The following C6orf163 variants were observed in gnomAD, a reference collection of about 807,000 sequenced individuals.
C6orf163 encodes the protein chromosome 6 open reading frame 163, also known as uncharacterized protein C6orf163.
Under a neutral mutation model 28.4 loss-of-function variants are expected in C6orf163, and 22 were observed. That is an observed-to-expected ratio of 0.78 (90% confidence interval 0.55 to 1.11). C6orf163 has a LOEUF of 1.11. C6orf163 is among the 50% of genes least tolerant of loss of function. The pLI is 0.00. For synonymous variants in C6orf163, 110 were observed against 123.6 expected (o/e 0.89, Z 0.73); for missense variants, 342 against 389.1 (o/e 0.88, Z 1.02).
chr6:87,356,642 A>G, intron 4 of C6orf163, 139 bp downstream of exon 4: 2 of 729,258 alleles, frequency 2.7e-6, no homozygotes, highest in Admixed American at 5.8e-5. Flanking sequence ...AATACCAAAC[A>G]TAGGGAACAA....
intron 3 of C6orf163, among the ~76,000 whole-genome samples, chr6:87,352,858 A>G (rs936464070): frequency 1.3e-5 from 2 of 152,152 alleles, no homozygotes; most frequent in Non-Finnish European, 2.9e-5. Flanking sequence ...CCTCAGAGCA[A>G]TATCTCCTGA....
chr6:87,361,523 T>C (rs1333498552), intron 4 of C6orf163, among the ~76,000 whole-genome samples: 1 of 152,162 alleles, frequency 6.6e-6, no homozygotes, highest in Non-Finnish European at 1.5e-5. Context: ...CAGCCCCACC[T>C]GGCAGGAAAC....
At chr6:87,353,720 TTAAA>T (rs1450410930) in intron 3 of C6orf163, among the ~76,000 whole-genome samples, 2 of 152,078 alleles carry the variant, frequency 1.3e-5, no homozygotes, top group Non-Finnish European at 2.9e-5. Context: ...CCCTAAGGAG[TTAAA>T]TAAAGGCCTC....
intron 4 of C6orf163, among the ~76,000 whole-genome samples, chr6:87,363,543 G>A (rs1390253360): frequency 1.3e-5 from 2 of 150,524 alleles, no homozygotes; most frequent in Non-Finnish European, 3.0e-5. Context: ...TCCCCTTCCT[G>A]TGTCCATGTG....
At chr6:87,353,582 GA>G (rs1001261350) in intron 3 of C6orf163, among the ~76,000 whole-genome samples, 3 of 151,562 alleles carry the variant, frequency 2.0e-5, no homozygotes, top group Admixed American at 1.3e-4. Flanking sequence ...ATTTCATTCT[GA>G]AAAAAAATAT....
chr6:87,350,918 CCTGA>C (rs1777402864), intron 3 of C6orf163, among the ~76,000 whole-genome samples: 1 of 152,200 alleles, frequency 6.6e-6, no homozygotes, highest in Non-Finnish European at 1.5e-5. Context: ...AGCACAATTC[CCTGA>C]CTTAGTAGGT....
chr6:87,347,645 CAT>C, intron 1 of C6orf163: 1 of 985,164 alleles, frequency 1.0e-6, no homozygotes, highest in Non-Finnish European at 1.2e-6. Context: ...GTGACAGAAA[CAT>C]AACTCAGAAT....
chr6:87,348,048 C>T (rs1024139119), intron 1 of C6orf163: 13 of 494,486 alleles, frequency 2.6e-5, no homozygotes, highest in South Asian at 1.7e-4. Context: ...TCCAGCTACT[C>T]GGGAGGCTGA....
Position 87,348,899 on chromosome 6 carries a change from G to A in C6orf163, c.236G>A (p.Trp79Ter), listed in dbSNP as rs1367165405. The A allele has an allele frequency of 6.5e-7, 1 of 1,536,938 alleles. No individual in the cohort carries two copies. The highest frequency in any genetic ancestry group is 2.4e-5 in the East Asian group (1 of 40,924). ...ATTGCGAAAGCAGAAGCTGAAGTAT[G>A]GGCTCAGGTAAAAGAAGTTACATGT... ...EHIAKAEAEV[W>*]AQANERQKQA... The change falls in exon 2 of 5, where the codon TGG (tryptophan) becomes TAG (stop). Residue 79 changes from tryptophan to a stop codon, truncating the protein, a stop_gained. Coordinates refer to ENST00000388923, the MANE Select transcript of C6orf163 (RefSeq NM_001010868.3). LOFTEE classifies it high-confidence loss of function.
At chr6:87,348,566 T>A in intron 1 of C6orf163, 1 of 1,244,548 alleles carries the variant, frequency 8.0e-7, no homozygotes, top group Non-Finnish European at 1.0e-6. Context: ...TCCCCAGTTG[T>A]CTGCTGTGTG....
At chr6:87,356,671 TGTGTG>T (rs1777507296) in intron 4 of C6orf163, among the ~76,000 whole-genome samples, 168 bp downstream of exon 4, 1 of 152,216 alleles carries the variant, frequency 6.6e-6, no homozygotes, top group Non-Finnish European at 1.5e-5. Context: ...GTAGAGTATG[TGTGTG>T]GTTTAAAGAA....
Position 87,365,383 on chromosome 6 carries a change from CAACTCTTGATTAGAAG to C in C6orf163, c.978_*3del, listed in dbSNP as rs778856529. ...AATCTTGTTATTAAGGAGAACAAAA[CAACTCTTGATTAGAAG>C]TCTTCAGTTGAAATTCCACTACAAA... On this transcript the variant is annotated stop_lost and 3_prime_UTR_variant, in exon 5 of 5. Transcript: ENST00000388923. 1 of 1,527,770 alleles carries C rather than the reference CAACTCTTGATTAGAAG, an allele frequency of 6.5e-7. No individual in the cohort carries two copies. 94.6% of individuals were successfully genotyped at this position (1,527,770 alleles called of 1,614,324 possible).
intron 4 of C6orf163, 35 bp from the exon 5 acceptor site, chr6:87,364,926 C>G (rs1050074140): frequency 6.9e-7 from 1 of 1,447,460 alleles, no homozygotes; most frequent in Non-Finnish European, 9.3e-7. Context: ...AGTGGCCAAT[C>G]CATCTAAATT....
intron 2 of C6orf163, among the ~76,000 whole-genome samples, chr6:87,349,391 TC>T (rs1777377461): frequency 6.6e-6 from 1 of 152,154 alleles, no homozygotes; most frequent in South Asian, 2.1e-4. Flanking sequence ...TATGGCCTAC[TC>T]CCCTTTTCCT....
At chr6:87,351,931 T>A (rs1458740502) in intron 3 of C6orf163, among the ~76,000 whole-genome samples, 1 of 152,180 alleles carries the variant, frequency 6.6e-6, no homozygotes, top group Admixed American at 6.5e-5. Context: ...TTCCTGGCAT[T>A]AGGTTGTAAA....
intron 1 of C6orf163, 72 bp from the exon 2 acceptor site, chr6:87,348,740 T>C: frequency 6.6e-7 from 1 of 1,514,514 alleles, no homozygotes; most frequent in Non-Finnish European, 8.8e-7. Context: ...CATAAATAAC[T>C]AGATAATGGT....
In C6orf163 at chr6:87,348,909, A is replaced by G; in HGVS notation, c.243+3A>G. On this transcript the variant is annotated splice_donor_region_variant and intron_variant, in intron 2 of 4. Transcript: ENST00000388923. ...CAGAAGCTGAAGTATGGGCTCAGGT[A>G]AAAGAAGTTACATGTCAACCTAAAG... is the stretch of plus-strand genomic sequence containing the variant. 1.3e-6 allele frequency: 2 copies of G among 1,536,448 alleles called. No individual in the cohort carries two copies. Among genetic ancestry groups the G allele is most frequent in the Non-Finnish European group, 1.7e-6 (2 of 1,146,740 alleles).
chr6:87,349,870 G>A lies in C6orf163; in HGVS notation c.244-524G>A, dbSNP rs9362423. 1.2e-3 allele frequency among the ~76,000 whole-genome samples: 181 copies of A among 152,268 alleles called. 4 individuals are homozygous for A. In the East Asian group the frequency reaches 0.03, roughly 25 times the overall value. Reference sequence around the variant, plus strand: ...TATACACCCTAATACAAGGTGATGCGTTTGTAAATAGTCTACAATTTGAAT... The same window carrying A: ...TATACACCCTAATACAAGGTGATGCATTTGTAAATAGTCTACAATTTGAAT... On this transcript the variant is annotated intron_variant, in intron 2 of 4. Coordinates refer to ENST00000388923, the MANE Select transcript of C6orf163 (RefSeq NM_001010868.3).
At position 87,350,428 on chromosome 6, in the gene C6orf163, CACTTGAAGA is replaced by C. The variant is rs1777394238; in HGVS notation, c.280_288del (p.Leu94_Glu96del). 1 of 1,535,112 alleles carries C rather than the reference CACTTGAAGA, an allele frequency of 6.5e-7. No homozygotes were observed. The highest frequency in any genetic ancestry group is 2.4e-5 in the East Asian group (1 of 40,848). ...CGTCAAAAACAAGCAGTGGAGAAAG[CACTTGAAGA>C]AGCAAATGACAGACACAAAATTGAA... On this transcript the variant is annotated inframe_deletion, in exon 3 of 5. Coordinates refer to ENST00000388923, the MANE Select transcript of C6orf163 (RefSeq NM_001010868.3).
Sources: allele counts gnomAD v4.1 joint callset (sites outside exome capture counted in the v4.1 genomes callset), GRCh38; gene constraint gnomAD v4.1.1; transcripts MANE v1.5; gene names NCBI Gene and HGNC (gene_info 2026-07-23, HGNC 2026-07-21).